RAP1GDS1: variants seen among roughly 807,000 people sequenced by gnomAD.
The protein encoded by RAP1GDS1 is RAP1, GTP-GDP dissociation stimulator 1.
In RAP1GDS1, 35 loss-of-function variants were observed where a neutral mutation model predicts 71.1. That is an observed-to-expected ratio of 0.49 (90% CI 0.38 to 0.65). The LOEUF is 0.65. RAP1GDS1 is among the 30% of genes least tolerant of loss of function. The pLI, the probability that RAP1GDS1 is intolerant of heterozygous loss-of-function variation, is 0.00. For missense variants in RAP1GDS1, 663 were observed against 706.1 expected (o/e 0.94, Z 0.69); for synonymous variants, 229 against 243.1 (o/e 0.94, Z 0.54).
intron 2 of RAP1GDS1, among the ~76,000 whole-genome samples, chr4:98,332,886 AGC>A (rs1734195560): frequency 6.6e-6 from 1 of 152,194 alleles, no homozygotes; most frequent in Non-Finnish European, 1.5e-5. Flanking sequence ...TTCTAATTAT[AGC>A]CAACTTGATC....
At chr4:98,375,436 G>T (rs1406275202) in intron 4 of RAP1GDS1, among the ~76,000 whole-genome samples, 1 of 151,906 alleles carries the variant, frequency 6.6e-6, no homozygotes, top group African/African-American at 2.4e-5. Context: ...TTGAAGGAGG[G>T]CACACAATTT....
chr4:98,408,544 T>C (rs1009274169), intron 7 of RAP1GDS1, among the ~76,000 whole-genome samples: 1 of 152,208 alleles, frequency 6.6e-6, no homozygotes, highest in Admixed American at 6.5e-5. Flanking sequence ...ACCAATTTAT[T>C]TTAATGAGGC....
At chr4:98,392,130 A>G in intron 6 of RAP1GDS1, 50 bp downstream of exon 6, 1 of 1,506,838 alleles carries the variant, frequency 6.6e-7, no homozygotes, top group African/African-American at 1.4e-5. Flanking sequence ...TAATGTGCTT[A>G]CAATAAATTT....
chr4:98,423,293 A>T (rs1749141278), intron 12 of RAP1GDS1, among the ~76,000 whole-genome samples: 1 of 152,242 alleles, frequency 6.6e-6, no homozygotes, highest in African/African-American at 2.4e-5. Context: ...AGCAGGATGT[A>T]CAAAAGCACA....
chr4:98,368,458 TTTGAG>T lies in RAP1GDS1; in HGVS notation c.362-10555_362-10551del, dbSNP rs367814062. On this transcript the variant is annotated intron_variant, in intron 4 of 14. Transcript: ENST00000408927. ...AATGGAGATATGCCAGATTATTTGT[TTTGAG>T]TTGGTATATATTTCAGGAAGTCATA... Among the ~76,000 whole-genome samples, 580 of 152,284 alleles carry T rather than the reference TTTGAG, an allele frequency of 3.8e-3. 6 individuals carry two copies. Among genetic ancestry groups the T allele is most frequent in the African/African-American group, 0.013 (555 of 41,564 alleles).
chr4:98,354,095 G>A (rs1214477439), intron 4 of RAP1GDS1, among the ~76,000 whole-genome samples: 37 of 141,348 alleles, frequency 2.6e-4, no homozygotes, highest in Admixed American at 2.2e-3. Flanking sequence ...TCGCTCTGTC[G>A]CCCAGGCCGG....
At chr4:98,430,377 A>G (rs766059953) in intron 12 of RAP1GDS1, among the ~76,000 whole-genome samples, 14 of 152,224 alleles carry the variant, frequency 9.2e-5, no homozygotes, top group Non-Finnish European at 1.8e-4. Context: ...GCAGAACTAT[A>G]AAGTGTGTTA....
chr4:98,433,189 T>A (rs1750685433), intron 12 of RAP1GDS1, among the ~76,000 whole-genome samples: 1 of 152,180 alleles, frequency 6.6e-6, no homozygotes, highest in Non-Finnish European at 1.5e-5. Context: ...GTTTTCATAT[T>A]TGTAAGATTA....
At chr4:98,298,485 C>T (rs533850232) in intron 2 of RAP1GDS1, among the ~76,000 whole-genome samples, 1 of 152,218 alleles carries the variant, frequency 6.6e-6, no homozygotes, top group East Asian at 1.9e-4. Flanking sequence ...TTCTGAAAAT[C>T]CTGGGGCCCT....
intron 1 of RAP1GDS1, among the ~76,000 whole-genome samples, chr4:98,293,106 T>G (rs1043815581): frequency 1.3e-5 from 2 of 152,200 alleles, no homozygotes; most frequent in African/African-American, 4.8e-5. Context: ...AAGCCATAGA[T>G]GCTTTCCTGA....
intron 2 of RAP1GDS1, among the ~76,000 whole-genome samples, chr4:98,308,162 G>A (rs1404426420): frequency 1.3e-5 from 2 of 150,958 alleles, no homozygotes; most frequent in Non-Finnish European, 2.9e-5. Context: ...ATATATGTGT[G>A]TGTGTGTGTG....
intron 2 of RAP1GDS1, among the ~76,000 whole-genome samples, chr4:98,321,896 C>T (rs1165200546): frequency 1.6e-5 from 1 of 61,436 alleles, no homozygotes; most frequent in African/African-American, 6.8e-5. Context: ...ATCATAATGA[C>T]AGGATCAAAT....
At position 98,371,279 on chromosome 4, in the gene RAP1GDS1, A is replaced by AT. The variant is rs1402021739; in HGVS notation, c.362-7729dup. Among the ~76,000 whole-genome samples, 362 of 149,296 alleles carry AT rather than the reference A, an allele frequency of 2.4e-3. 2 individuals carry two copies. Among genetic ancestry groups the AT allele is most frequent in the African/African-American group, 8.5e-3 (344 of 40,684 alleles). ...AGGCGTGTACCACCATCCCCAGCTA[A>AT]TTTTTTTTTGTATTTTTAGTAGAGG... On this transcript the variant is annotated intron_variant, in intron 4 of 14. Coordinates refer to ENST00000408927, the MANE Select transcript of RAP1GDS1 (RefSeq NM_001100427.2).
At chr4:98,377,120 T>C (rs1195721103) in intron 4 of RAP1GDS1, among the ~76,000 whole-genome samples, 1 of 151,974 alleles carries the variant, frequency 6.6e-6, no homozygotes, top group Non-Finnish European at 1.5e-5. Context: ...CAAGGCTTAG[T>C]TTAGCTATTC....
At chr4:98,276,273 TATC>T (rs1724186068) in intron 1 of RAP1GDS1, among the ~76,000 whole-genome samples, 1 of 152,164 alleles carries the variant, frequency 6.6e-6, no homozygotes, top group African/African-American at 2.4e-5. Flanking sequence ...TACCACCTAA[TATC>T]ATCCACATTG....
intron 14 of RAP1GDS1, 109 bp from the exon 15 acceptor site, chr4:98,441,881 T>C (rs1751918725): frequency 8.2e-7 from 1 of 1,216,298 alleles, no homozygotes. Flanking sequence ...TCCAGAATTG[T>C]TTCTAGTTTT....
chr4:98,398,737 C>T (rs1744924706), intron 6 of RAP1GDS1, among the ~76,000 whole-genome samples: 1 of 152,126 alleles, frequency 6.6e-6, no homozygotes, highest in African/African-American at 2.4e-5. Flanking sequence ...AGTAATGTTG[C>T]AGGATACAAA....
rs192745523 is a variant in RAP1GDS1, at chr4:98,375,918, A to T, written c.362-3099A>T. On this transcript the variant is annotated intron_variant, in intron 4 of 14. Transcript: ENST00000408927. Reference sequence around the variant, plus strand: ...GTCTTTTCCTCACCCTTAGTGTATAACTTGTACCTGATAATAGTGTTTAAC... The same window carrying T: ...GTCTTTTCCTCACCCTTAGTGTATATCTTGTACCTGATAATAGTGTTTAAC... Among the ~76,000 whole-genome samples the T allele has an allele frequency of 4.3e-3, 650 of 152,266 alleles. 2 individuals carry two copies. Among genetic ancestry groups the T allele is most frequent in the Middle Eastern group, 0.014 (4 of 294 alleles).
intron 2 of RAP1GDS1, among the ~76,000 whole-genome samples, chr4:98,300,166 T>C (rs1315655455): frequency 2.0e-5 from 3 of 152,132 alleles, no homozygotes; most frequent in Non-Finnish European, 2.9e-5. Flanking sequence ...TTTTAAGAAG[T>C]TGACATAGCC....
Sources: gnomAD v4.1 joint callset for allele counts (sites outside exome capture counted in the v4.1 genomes callset) on GRCh38, gnomAD v4.1.1 for gene constraint, MANE v1.5 for transcripts, NCBI Gene and HGNC (gene_info 2026-07-23, HGNC 2026-07-21) for gene names.